FILIP1: variants seen among roughly 807,000 people sequenced by gnomAD.
The protein encoded by FILIP1 is filamin-A-interacting protein 1.
FILIP1 carries 61 observed loss-of-function variants against 102.1 expected under a neutral mutation model. That is an observed-to-expected ratio of 0.60 (90% CI 0.49 to 0.74). FILIP1 has a LOEUF of 0.74. Ranked by LOEUF, FILIP1 falls within the 30% of genes least tolerant of loss-of-function variation. The pLI is 0.00. For synonymous variants in FILIP1, 491 were observed against 526.9 expected, an observed-to-expected ratio of 0.93 and a Z score of 0.93; for missense variants, 1,314 against 1,441.2, an observed-to-expected ratio of 0.91 and a Z score of 1.43.
chr6:75,327,596 A>AAGGC (rs143805716), intron 4 of FILIP1, among the ~76,000 whole-genome samples: 1 of 148,574 alleles, frequency 6.7e-6, no homozygotes, highest in African/African-American at 2.5e-5. Flanking sequence ...ATAAAATAAA[A>AAGGC]AGGTCAATGC....
chr6:75,491,136 T>G (rs1779944534), intron 1 of FILIP1, among the ~76,000 whole-genome samples: 1 of 152,108 alleles, frequency 6.6e-6, no homozygotes, highest in Admixed American at 6.6e-5. Flanking sequence ...ATCCAGAATA[T>G]CATTGTGAAA....
At chr6:75,478,335 T>C (rs1466443467) in intron 1 of FILIP1, among the ~76,000 whole-genome samples, 1 of 152,196 alleles carries the variant, frequency 6.6e-6, no homozygotes, top group Non-Finnish European at 1.5e-5. Flanking sequence ...CTCACATTGC[T>C]CTTCCCTACC....
At position 75,312,833 on chromosome 6, in the gene FILIP1, G is replaced by A; in HGVS notation, c.2999C>T (p.Ala1000Val). The A allele has an allele frequency of 6.2e-7, 1 of 1,614,174 alleles. No homozygotes were observed. The highest frequency in any genetic ancestry group is 1.1e-5 in the South Asian group (1 of 91,080). Residue 1000 changes from alanine (A) to valine (V), a missense_variant, in exon 5 of 6, where the codon GCA becomes GTA. Transcript: ENST00000237172. ...CTGAATAGGGGATGTGGGCCTGTCTGCAAATGCGCCTCTTCCACTTTCTGG... is the reference window on the plus strand; with the variant it reads ...CTGAATAGGGGATGTGGGCCTGTCTACAAATGCGCCTCTTCCACTTTCTGG... ...KTPESGRGAFADRPTSPIQIM... is the reference protein window; with the variant it reads ...KTPESGRGAFVDRPTSPIQIM...
At chr6:75,400,253 A>G (rs1776606698) in intron 2 of FILIP1, among the ~76,000 whole-genome samples, 1 of 152,208 alleles carries the variant, frequency 6.6e-6, no homozygotes, top group South Asian at 2.1e-4. Flanking sequence ...TTAGAAAAAA[A>G]TTGAACTGGA....
In FILIP1 at chr6:75,445,207, G is replaced by A. The variant is rs576745699; in HGVS notation, c.-6-30229C>T. 2.6e-5 allele frequency among the ~76,000 whole-genome samples: 4 copies of A among 152,180 alleles called. No individual in the cohort carries two copies. In the South Asian group the frequency reaches 8.3e-4, roughly 32 times the overall value. On this transcript the variant is annotated intron_variant, in intron 1 of 5. Coordinates refer to ENST00000237172, the MANE Select transcript of FILIP1 (RefSeq NM_015687.5). ...ATTTTCAACACAAAAGTGGTTTTGTGTCAATTCTCTGCTCAAGATTCTTGA... is the reference window on the plus strand; with the variant it reads ...ATTTTCAACACAAAAGTGGTTTTGTATCAATTCTCTGCTCAAGATTCTTGA...
chr6:75,312,554 C>G lies in FILIP1; in HGVS notation c.3278G>C (p.Arg1093Pro). Residue 1093 changes from arginine (R) to proline (P), a missense_variant, in exon 5 of 6, where the codon CGA (arginine) becomes CCA (proline). This residue lies in a region of FILIP1 where 816 missense variants were observed against 913.1 expected (regional missense o/e 0.89). Coordinates refer to ENST00000237172, the MANE Select transcript of FILIP1 (RefSeq NM_015687.5). Reference sequence around the variant, plus strand: ...CTTTTCGGCTGTCACGTTTACTGGTCGGACAGTAATAACTGGACTGACTCC... The same window carrying G: ...CTTTTCGGCTGTCACGTTTACTGGTGGGACAGTAATAACTGGACTGACTCC... Reference protein sequence around the residue: ...GEGVSPVITVRPVNVTAEKEV... With the variant: ...GEGVSPVITVPPVNVTAEKEV... 6.2e-7 allele frequency: 1 copy of G among 1,614,132 alleles called. No homozygotes were observed. Among genetic ancestry groups the G allele is most frequent in the Non-Finnish European group, 8.5e-7 (1 of 1,180,040 alleles).
rs115186098 is a variant in FILIP1, at chr6:75,493,652, G to C, written c.-245C>G. ...AGCAGCTTCTTCTCCCTGAAATCCC[G>C]ATCAGCAGAAATTGGAAGTTGTTGT... On this transcript the variant is annotated 5_prime_UTR_variant, in exon 1 of 6. It adds an upstream start codon to the 5' untranslated region. Transcript: ENST00000237172. The C allele has an allele frequency of 1.3e-5, 2 of 152,192 alleles. No individual in the cohort carries two copies. Among genetic ancestry groups the C allele is most frequent in the African/African-American group, 4.8e-5 (2 of 41,430 alleles). The allele number at this position is 152,192 out of a possible 1,614,324, so 9.4% of individuals were successfully genotyped here.
intron 1 of FILIP1, among the ~76,000 whole-genome samples, chr6:75,423,692 G>C (rs1011156685): frequency 6.6e-5 from 10 of 152,102 alleles, no homozygotes; most frequent in Non-Finnish European, 1.5e-4. Flanking sequence ...CTCTTCAAAA[G>C]TTGAACAAAT....
At chr6:75,485,197 T>G (rs1234514204) in intron 1 of FILIP1, among the ~76,000 whole-genome samples, 1 of 152,194 alleles carries the variant, frequency 6.6e-6, no homozygotes, top group Non-Finnish European at 1.5e-5. Context: ...ACAGACAGCC[T>G]TCGTGAAATG....
intron 2 of FILIP1, among the ~76,000 whole-genome samples, chr6:75,393,765 G>A (rs1256824590): frequency 6.6e-6 from 1 of 152,192 alleles, no homozygotes; most frequent in African/African-American, 2.4e-5. Context: ...CTGAGATTCT[G>A]CAAATTACAT....
At position 75,343,327 on chromosome 6, in the gene FILIP1, C is replaced by G. The variant is rs748096017; in HGVS notation, c.629+10212G>C. Among the ~76,000 whole-genome samples, 15 of 152,232 alleles carry G rather than the reference C, an allele frequency of 9.9e-5. No individual in the cohort carries two copies. The South Asian group carries it at 2.9e-3, about 29-fold the overall frequency. On this transcript the variant is annotated intron_variant, in intron 4 of 5. Coordinates refer to ENST00000237172, the MANE Select transcript of FILIP1 (RefSeq NM_015687.5). ...TCTATAGTGTTTTGTTATGGCAGAC[C>G]AAGCAAACTAAGATACTCTTGGACT...
intron 2 of FILIP1, among the ~76,000 whole-genome samples, chr6:75,407,180 T>C (rs1776887307): frequency 6.6e-6 from 1 of 152,168 alleles, no homozygotes; most frequent in Non-Finnish European, 1.5e-5. Flanking sequence ...AGTTACAGAA[T>C]AGAAGAAGTT....
chr6:75,380,019 T>C (rs951442834), intron 2 of FILIP1, among the ~76,000 whole-genome samples: 5 of 152,210 alleles, frequency 3.3e-5, no homozygotes, highest in Non-Finnish European at 5.9e-5. Context: ...GTTTATGCTT[T>C]ATCCCCAATG....
chr6:75,358,401 G>A (rs1303163703), intron 3 of FILIP1: 2 of 152,110 alleles, frequency 1.3e-5, no homozygotes, highest in Admixed American at 6.6e-5. Flanking sequence ...ATCAGAATGC[G>A]TGCCCAGAGA....
chr6:75,447,791 CT>C (rs1025001035), intron 1 of FILIP1, among the ~76,000 whole-genome samples: 1 of 151,984 alleles, frequency 6.6e-6, no homozygotes, highest in African/African-American at 2.4e-5. Flanking sequence ...TGTATTAAAT[CT>C]TCATCTTAAA....
intron 4 of FILIP1, among the ~76,000 whole-genome samples, chr6:75,324,965 C>A (rs1261015433): frequency 3.3e-5 from 5 of 152,296 alleles, no homozygotes; most frequent in African/African-American, 9.6e-5. Context: ...AAATGTAAGA[C>A]CTGAAACCAT....
intron 6 of FILIP1, among the ~76,000 whole-genome samples, chr6:75,297,841 G>T (rs1772724192): frequency 6.6e-6 from 1 of 152,146 alleles, no homozygotes; most frequent in South Asian, 2.1e-4. Context: ...AGTGAAATCA[G>T]AATTGTTCTT....
rs142046432 is a variant in FILIP1, at chr6:75,381,026, T to C, written c.277-18109A>G. Among the ~76,000 whole-genome samples the C allele has an allele frequency of 2.6e-5, 4 of 152,314 alleles. No individual in the cohort carries two copies. In the East Asian group the frequency reaches 7.7e-4, roughly 29 times the overall value. On this transcript the variant is annotated intron_variant, in intron 2 of 5. Coordinates refer to ENST00000237172, the MANE Select transcript of FILIP1 (RefSeq NM_015687.5). ...GTATCTTTTCTGGTATTGCTCTCTT[T>C]TGAAACTTTAATACCATAGATATAT...
intron 1 of FILIP1, among the ~76,000 whole-genome samples, chr6:75,477,153 C>T (rs916728721): frequency 2.0e-5 from 3 of 152,112 alleles, no homozygotes; most frequent in African/African-American, 7.2e-5. Context: ...TGCTCTAAGA[C>T]TGACTGAAGC....
Sources: allele counts gnomAD v4.1 joint callset (sites outside exome capture counted in the v4.1 genomes callset), GRCh38; gene constraint gnomAD v4.1.1; regional missense constraint gnomAD v4.1.1; transcripts MANE v1.5; gene names NCBI Gene and HGNC (gene_info 2026-07-23, HGNC 2026-07-21).